CHST9: variants seen among roughly 807,000 people sequenced by gnomAD.
The protein encoded by CHST9 is GalNAc-4-sulfotransferase 2.
Under a neutral mutation model 44.4 loss-of-function variants are expected in CHST9, and 41 were observed. That is an observed-to-expected ratio of 0.92 (90% CI 0.72 to 1.20). The LOEUF (loss-of-function observed/expected upper bound fraction) is 1.20. Among genes scored for constraint, CHST9 ranks in the 50% most tolerant of loss-of-function variants. The pLI is 0.00. For missense variants in CHST9, 504 were observed against 516.5 expected, an observed-to-expected ratio of 0.98 and a Z score of 0.23; for synonymous variants, 171 against 178.4, an observed-to-expected ratio of 0.96 and a Z score of 0.33.
chr18:27,036,056 G>A (rs2143512721), intron 3 of CHST9, among the ~76,000 whole-genome samples: 1 of 152,122 alleles, frequency 6.6e-6, no homozygotes, highest in East Asian at 1.9e-4. Flanking sequence ...TATATAAAAT[G>A]CTATATATAT....
Position 26,916,430 on chromosome 18 carries a change from T to C in CHST9, c.1161A>G (p.Pro387=), listed in dbSNP as rs764313868. The C allele has an allele frequency of 3.1e-6, 5 of 1,613,674 alleles. No individual in the cohort carries two copies. In the African/African-American group the frequency reaches 5.3e-5, roughly 17 times the overall value. Residue 387 remains proline, a synonymous_variant, in exon 6 of 6, where the codon CCA becomes CCG. Transcript: ENST00000618847. ...ANYFLQMIGA[P]KELKFPNFKD... ...TAAAGTTGGGAAATTTCAGCTCCTT[T>C]GGAGCACCGATCATCTGTAAAAAGT...
At chr18:27,053,265 A>AAGAAGAAGAAGG in intron 2 of CHST9, among the ~76,000 whole-genome samples, 1 of 109,156 alleles carries the variant, frequency 9.2e-6, no homozygotes, top group Admixed American at 9.1e-5. Context: ...GAAGAAGGAG[A>AAGAAGAAGAAGG]AGGAGAAGGA....
intron 2 of CHST9, among the ~76,000 whole-genome samples, chr18:27,053,250 A>AAGAAGAAGAAGAAGAAGAAGGAGAAGG (rs2057602047): frequency 1.1e-5 from 1 of 87,220 alleles, no homozygotes; most frequent in Non-Finnish European, 2.5e-5. Flanking sequence ...GAAGAAGAAG[A>AAGAAGAAGAAGAAGAAGAAGGAGAAGG]AGAAGAAGAA....
At chr18:27,062,191 TA>T (rs2057730686) in intron 2 of CHST9, among the ~76,000 whole-genome samples, 1 of 152,208 alleles carries the variant, frequency 6.6e-6, no homozygotes, top group Non-Finnish European at 1.5e-5. Context: ...CTTTAAGTTC[TA>T]GGGTACATAT....
At chr18:26,987,944 G>T (rs1403735241) in intron 4 of CHST9, among the ~76,000 whole-genome samples, 3 of 152,050 alleles carry the variant, frequency 2.0e-5, no homozygotes, top group Non-Finnish European at 4.4e-5. Flanking sequence ...AAATTCTATT[G>T]TGTATAAGAT....
At chr18:26,930,892 G>C (rs1205666857) in intron 5 of CHST9, 1 of 130,358 alleles carries the variant, frequency 7.7e-6, no homozygotes, top group Non-Finnish European at 1.6e-5. Flanking sequence ...GTTACTTCCT[G>C]TAGGCATAGC....
chr18:26,951,266 TCTCCAAACTTTGCAGTGAGA>T (rs1568106022), intron 4 of CHST9, among the ~76,000 whole-genome samples: 1 of 152,190 alleles, frequency 6.6e-6, no homozygotes, highest in Non-Finnish European at 1.5e-5. Flanking sequence ...TGCCTCAAAT[TCTCCAAACTTTGCAGTGAGA>T]CTCACTAATT....
chr18:27,064,867 C>T lies in CHST9; in HGVS notation c.122-16364G>A, dbSNP rs117679653. On this transcript the variant is annotated intron_variant, in intron 2 of 5. Transcript: ENST00000618847. ...CAGGGCAGGAGAGGAAGAGGCCAGG[C>T]CTGCTGGGCTATTTGTCATCTCAAA... Among the ~76,000 whole-genome samples the T allele has an allele frequency of 8.4e-3, 1,286 of 152,252 alleles. 13 individuals are homozygous for T. The highest frequency in any genetic ancestry group is 0.012 in the Non-Finnish European group (789 of 68,026).
At chr18:27,109,824 T>C (rs576314036) in intron 2 of CHST9, among the ~76,000 whole-genome samples, 1 of 152,252 alleles carries the variant, frequency 6.6e-6, no homozygotes, top group South Asian at 2.1e-4. Context: ...TTTGACAGTC[T>C]GATGTTTCTC....
At chr18:27,040,153 AG>A (rs2057429765) in intron 3 of CHST9, among the ~76,000 whole-genome samples, 1 of 152,184 alleles carries the variant, frequency 6.6e-6, no homozygotes, top group Admixed American at 6.6e-5. Flanking sequence ...AAGGTAAGCT[AG>A]GGTAGACGGA....
chr18:27,084,182 C>T (rs530911073), intron 2 of CHST9, among the ~76,000 whole-genome samples: 1 of 151,854 alleles, frequency 6.6e-6, no homozygotes, highest in East Asian at 1.9e-4. Context: ...AGAGGAGTTC[C>T]TCCTCTTCAA....
At chr18:26,997,360 T>C (rs1169154565) in intron 4 of CHST9, among the ~76,000 whole-genome samples, 1 of 152,222 alleles carries the variant, frequency 6.6e-6, no homozygotes, top group Non-Finnish European at 1.5e-5. Flanking sequence ...TATTATCCAT[T>C]ATAAACACAA....
chr18:27,013,726 G>T (rs2057113572), intron 4 of CHST9, among the ~76,000 whole-genome samples: 1 of 152,074 alleles, frequency 6.6e-6, no homozygotes, highest in African/African-American at 2.4e-5. Context: ...TACACATTTT[G>T]TTATGTCACA....
chr18:27,054,058 G>A (rs1436184444), intron 2 of CHST9, among the ~76,000 whole-genome samples: 1 of 152,178 alleles, frequency 6.6e-6, no homozygotes, highest in African/African-American at 2.4e-5. Flanking sequence ...TTCAGGACAA[G>A]TCGAGAGTCC....
At chr18:27,001,083 C>T (rs1176029281) in intron 4 of CHST9, among the ~76,000 whole-genome samples, 4 of 152,132 alleles carry the variant, frequency 2.6e-5, no homozygotes. Context: ...GAGATAGAAG[C>T]AACTAACTCC....
chr18:26,977,228 C>A (rs541799956), intron 4 of CHST9, among the ~76,000 whole-genome samples: 1 of 151,702 alleles, frequency 6.6e-6, no homozygotes, highest in East Asian at 1.9e-4. Flanking sequence ...TTAAACAAAA[C>A]CCAGATGGAA....
chr18:27,179,078 GTCTCTCTC>G (rs34391433), intron 1 of CHST9, among the ~76,000 whole-genome samples: 52,530 of 150,000 alleles, frequency 0.35, 9,925 homozygotes, highest in East Asian at 0.48. Flanking sequence ...GTGTGATAAT[GTCTCTCTC>G]TCTCTCTCTC....
chr18:26,933,336 T>G (rs537012147), intron 5 of CHST9, among the ~76,000 whole-genome samples: 1 of 152,238 alleles, frequency 6.6e-6, no homozygotes. Context: ...AATCAATCTC[T>G]TATCTGTAAG....
intron 5 of CHST9, among the ~76,000 whole-genome samples, chr18:26,925,291 C>T (rs1310092523): frequency 8.4e-6 from 1 of 119,240 alleles, no homozygotes; most frequent in Non-Finnish European, 1.9e-5. Flanking sequence ...ATTTTGTTTG[C>T]CTAGTTAATA....
Sources: allele counts gnomAD v4.1 joint callset (sites outside exome capture counted in the v4.1 genomes callset), GRCh38; gene constraint gnomAD v4.1.1; transcripts MANE v1.5; gene names NCBI Gene and HGNC (gene_info 2026-07-23, HGNC 2026-07-21).